The following TCF20 variants were observed in gnomAD, a reference collection of about 807,000 sequenced individuals.
TCF20 encodes the protein SPRE-binding protein.
In TCF20, 3 loss-of-function variants were observed where a neutral mutation model predicts 148.6. The ratio of observed to expected loss-of-function variants is 0.02; its 90% CI spans 0.01 to 0.05. The LOEUF is 0.05. Among genes scored for constraint, TCF20 ranks in the 10% least tolerant of loss-of-function variants. The pLI, the probability that TCF20 is intolerant of heterozygous loss-of-function variation, is 1.00. For synonymous variants in TCF20, 1,049 were observed against 909.5 expected (o/e 1.15, Z -2.76); for missense variants, 2,350 against 2,429.3 (o/e 0.97, Z 0.69).
At chr22:42,285,198 C>T (rs1479057646), upstream of TCF20, among the ~76,000 whole-genome samples, 1 of 152,228 alleles carries the variant, frequency 6.6e-6, no homozygotes, top group African/African-American at 2.4e-5. This position sits in a 1 kb window ranked among gnomAD's most constrained non-coding sequence, Gnocchi z 4.2. Flanking sequence ...CTGCTGACCA[C>T]TGGCTGCCCC....
At chr22:42,282,939 G>A (rs1732289252) in intron 1 of TCF20, among the ~76,000 whole-genome samples, 2 of 152,230 alleles carry the variant, frequency 1.3e-5, no homozygotes, top group South Asian at 4.1e-4. Flanking sequence ...CGTGGGTCTG[G>A]GCCAGGGCCT....
chr22:42,340,832 A>T (rs1302553283), intron 1 of TCF20, among the ~76,000 whole-genome samples: 1 of 151,364 alleles, frequency 6.6e-6, no homozygotes, highest in Non-Finnish European at 1.5e-5. Context: ...CGCAATAAAG[A>T]AGGGAAGGGG....
At chr22:42,178,198 T>C (rs1020257795) in intron 3 of TCF20, among the ~76,000 whole-genome samples, 1 of 152,200 alleles carries the variant, frequency 6.6e-6, no homozygotes. Flanking sequence ...GTTTCTTTCA[T>C]GTGGCTGTTC....
intron 1 of TCF20, among the ~76,000 whole-genome samples, chr22:42,336,282 T>C (rs1471251778): frequency 1.3e-5 from 2 of 151,914 alleles, no homozygotes; most frequent in Non-Finnish European, 1.5e-5. Context: ...GGTAGCTAGG[T>C]TGGAAAACCC....
chr22:42,167,841 G>A (rs1935883041), intron 5 of TCF20, among the ~76,000 whole-genome samples: 1 of 151,634 alleles, frequency 6.6e-6, no homozygotes, highest in South Asian at 2.1e-4. Context: ...TCCCAGCTCA[G>A]CCTCCTGAGT....
At chr22:42,186,199 A>C (rs1028030558) in intron 2 of TCF20, among the ~76,000 whole-genome samples, 1 of 152,190 alleles carries the variant, frequency 6.6e-6, no homozygotes, top group Non-Finnish European at 1.5e-5. Context: ...TGGTTGGTCT[A>C]ATGTGCATAC....
At chr22:42,261,556 T>C (rs911198736) in intron 1 of TCF20, among the ~76,000 whole-genome samples, 37 of 145,320 alleles carry the variant, frequency 2.5e-4, no homozygotes, top group Non-Finnish European at 4.4e-4. Context: ...TCATTCTACA[T>C]TTTTTTTTTT....
At chr22:42,167,544 C>A (rs1465519218) in intron 5 of TCF20, among the ~76,000 whole-genome samples, 2 of 152,196 alleles carry the variant, frequency 1.3e-5, no homozygotes, top group African/African-American at 4.8e-5. Context: ...TTCTTTACAA[C>A]CTATTTCCCT....
intron 2 of TCF20, among the ~76,000 whole-genome samples, chr22:42,187,649 T>C (rs1342411733): frequency 6.6e-6 from 1 of 152,246 alleles, no homozygotes; most frequent in Non-Finnish European, 1.5e-5. Flanking sequence ...GATGTCTTTG[T>C]GCCCATAAGG....
intron 1 of TCF20, among the ~76,000 whole-genome samples, chr22:42,269,470 C>A (rs982336638): frequency 6.6e-6 from 1 of 152,220 alleles, no homozygotes; most frequent in Non-Finnish European, 1.5e-5. Flanking sequence ...GCACCGCCCC[C>A]CAACTCACTA....
rs150559658 is a variant in TCF20, at chr22:42,202,511, C to T, written c.5655+7140G>A. Among the ~76,000 whole-genome samples, 384 of 152,320 alleles carry T rather than the reference C, an allele frequency of 2.5e-3. 2 individuals are homozygous for T. The highest frequency in any genetic ancestry group is 0.01 in the Middle Eastern group (3 of 294). On this transcript the variant is annotated intron_variant, in intron 2 of 5. Coordinates refer to ENST00000677622, the MANE Select transcript of TCF20 (RefSeq NM_001378418.1). ...CATATGAAGCAGTGTGACTCTGGGGCTCTCACCCAGGCCTCCCCTCTACAC... is the reference window on the plus strand; with the variant it reads ...CATATGAAGCAGTGTGACTCTGGGGTTCTCACCCAGGCCTCCCCTCTACAC...
At chr22:42,333,703 C>T (rs1221501484) in intron 1 of TCF20, among the ~76,000 whole-genome samples, 2 of 152,136 alleles carry the variant, frequency 1.3e-5, no homozygotes, top group Admixed American at 1.3e-4. Flanking sequence ...TACTGCTCCA[C>T]GCAGTAGGTA....
intron 1 of TCF20, among the ~76,000 whole-genome samples, chr22:42,246,302 G>A (rs1237255297): frequency 1.3e-5 from 2 of 152,004 alleles, no homozygotes; most frequent in South Asian, 2.1e-4. Flanking sequence ...ACAGGGTTTC[G>A]CCATGTTGGC....
At chr22:42,248,366 G>A (rs891948831) in intron 1 of TCF20, among the ~76,000 whole-genome samples, 3 of 152,182 alleles carry the variant, frequency 2.0e-5, no homozygotes, top group Non-Finnish European at 4.4e-5. Flanking sequence ...TCTTCCAAAT[G>A]AATGAATCTC....
chr22:42,343,180 C>T (rs1018280855), intron 1 of TCF20, among the ~76,000 whole-genome samples: 27 of 152,298 alleles, frequency 1.8e-4, no homozygotes, highest in African/African-American at 6.0e-4. Context: ...TCCCGGCTGG[C>T]CACTTGCTAG....
intron 1 of TCF20, among the ~76,000 whole-genome samples, chr22:42,325,327 C>G (rs953137460): frequency 2.0e-5 from 3 of 152,214 alleles, no homozygotes; most frequent in African/African-American, 7.2e-5. Flanking sequence ...CTCTGAGAGG[C>G]AAAACCTCCA....
rs1311418647 is a variant in TCF20, at chr22:42,290,729, G to A, written c.-37+52750C>T. ...GGTCGCTGGGCTAACACTAGGCCTG[G>A]GGATGAGGCTGGGATGAGATGCTGG... On this transcript the variant is annotated intron_variant, in intron 1 of 1. Coordinates refer to the TCF20 transcript ENST00000515426. The surrounding 1 kb of genome is among the most constrained non-coding windows in gnomAD (Gnocchi z 4.2). Among the ~76,000 whole-genome samples, 3 of 152,226 alleles carry A rather than the reference G, an allele frequency of 2.0e-5. No homozygotes were observed. Among genetic ancestry groups the A allele is most frequent in the Non-Finnish European group, 2.9e-5 (2 of 68,038 alleles).
upstream of TCF20, among the ~76,000 whole-genome samples, chr22:42,285,654 G>A (rs955162221): frequency 6.6e-6 from 1 of 151,432 alleles, no homozygotes; most frequent in Admixed American, 6.6e-5. This position sits in a 1 kb window ranked among gnomAD's most constrained non-coding sequence, Gnocchi z 4.2. Context: ...TATTTTTTTT[G>A]TAGGGATAGG....
In TCF20 at chr22:42,243,310, A is replaced by AAAAAAAAAAAAAAAAAAC. The variant is rs1569180401; in HGVS notation, c.-37+27028_-37+27029insGTTTTTTTTTTTTTTTTT. ...ACTGTCTCAAAAAAAAAAAAAAAAA[A>AAAAAAAAAAAAAAAAAAC]AAAAAAAAAAAGTCAGGCATGATGG... On this transcript the variant is annotated intron_variant, in intron 1 of 5. Transcript: ENST00000677622. Among the ~76,000 whole-genome samples, 25 of 140,954 alleles carry AAAAAAAAAAAAAAAAAAC rather than the reference A, an allele frequency of 1.8e-4. 1 individual carries two copies. Among genetic ancestry groups the AAAAAAAAAAAAAAAAAAC allele is most frequent in the African/African-American group, 7.0e-4 (23 of 33,018 alleles). The allele number at this position is 140,954 out of a possible 152,430, so 92.5% of individuals were successfully genotyped here.
Sources: gnomAD v4.1 joint callset for allele counts (sites outside exome capture counted in the v4.1 genomes callset) on GRCh38, gnomAD v4.1.1 for gene constraint, Gnocchi (gnomAD v3.1) non-coding constraint, MANE v1.5 for transcripts, NCBI Gene and HGNC (gene_info 2026-07-23, HGNC 2026-07-21) for gene names.